The following BPNT1 variants were observed in gnomAD, a reference collection of about 807,000 sequenced individuals.
BPNT1 encodes 3'(2'),5'-bisphosphate nucleotidase 1.
BPNT1 carries 28 observed loss-of-function variants against 36.9 expected under a neutral mutation model. The ratio of observed to expected loss-of-function variants is 0.76; its 90% CI spans 0.56 to 1.04. The LOEUF (loss-of-function observed/expected upper bound fraction) is 1.04. BPNT1 is among the 50% of genes least tolerant of loss of function. BPNT1 has a pLI of 0.00. For missense variants in BPNT1, 313 were observed against 372.9 expected, an observed-to-expected ratio of 0.84 and a Z score of 1.32; for synonymous variants, 119 against 130.9, an observed-to-expected ratio of 0.91 and a Z score of 0.62.
chr1:220,085,073 TAAA>T (rs558004798), intron 1 of BPNT1, among the ~76,000 whole-genome samples: 2 of 141,130 alleles, frequency 1.4e-5, no homozygotes, highest in Admixed American at 7.1e-5. Context: ...GGTTCTTGGT[TAAA>T]AAAAAAAAAA....
At chr1:220,083,439 C>A (rs1282304624) in intron 1 of BPNT1, among the ~76,000 whole-genome samples, 1 of 151,632 alleles carries the variant, frequency 6.6e-6, no homozygotes, top group African/African-American at 2.4e-5. Context: ...TTCAGCCTCC[C>A]GAGTAGCTGG....
chr1:220,073,074 C>G (rs1279710393), intron 3 of BPNT1, 117 bp from the exon 4 acceptor site: 21 of 901,888 alleles, frequency 2.3e-5, no homozygotes, highest in Middle Eastern at 4.5e-4. Flanking sequence ...TCTGGTTTAC[C>G]ATTTATATTT....
rs1664308480 is a variant in BPNT1, at chr1:220,073,892, T to C, written c.225+75A>G. ...TGCTTAAAATCATAATAGTGGTATATAAATCATTAAAGTGTCAGTTATAAA... is the reference window on the plus strand; with the variant it reads ...TGCTTAAAATCATAATAGTGGTATACAAATCATTAAAGTGTCAGTTATAAA... On this transcript the variant is annotated intron_variant, in intron 3 of 8. Coordinates refer to ENST00000322067, the MANE Select transcript of BPNT1 (RefSeq NM_006085.6). 12 of 1,232,868 alleles carry C rather than the reference T, an allele frequency of 9.7e-6. No individual in the cohort carries two copies. In the South Asian group the frequency reaches 1.5e-4, roughly 15 times the overall value. 76.4% of individuals were successfully genotyped at this position (1,232,868 alleles called of 1,614,324 possible). A position where few individuals can be genotyped will look rare whatever the true frequency, so the allele number is the denominator to read the frequency against.
chr1:220,062,193 G>A (rs939196281), intron 7 of BPNT1, among the ~76,000 whole-genome samples: 3 of 151,010 alleles, frequency 2.0e-5, no homozygotes, highest in African/African-American at 7.3e-5. Flanking sequence ...TGCACAATGT[G>A]CAGGTTAGTT....
chr1:220,083,236 CA>C (rs539820488), intron 1 of BPNT1, among the ~76,000 whole-genome samples: 181 of 112,334 alleles, frequency 1.6e-3, no homozygotes, highest in South Asian at 1.2e-3. Flanking sequence ...GACTCCATCT[CA>C]AAAAAAAAAA....
chr1:220,089,317 T>C (rs867826998), intron 1 of BPNT1, among the ~76,000 whole-genome samples: 1 of 152,182 alleles, frequency 6.6e-6, no homozygotes, highest in African/African-American at 2.4e-5. Flanking sequence ...CCAACAATTA[T>C]ATTTACAGAG....
chr1:220,087,852 A>T (rs1350983723), intron 1 of BPNT1, among the ~76,000 whole-genome samples: 1 of 152,012 alleles, frequency 6.6e-6, no homozygotes, highest in African/African-American at 2.4e-5. Flanking sequence ...ATGAGAAATG[A>T]TTATTTTATT....
At chr1:220,066,072 C>A (rs1272900418) in intron 6 of BPNT1, 5 of 1,520,740 alleles carry the variant, frequency 3.3e-6, no homozygotes, top group Non-Finnish European at 4.4e-6. Flanking sequence ...ATTTTTCTCA[C>A]CTTTGCTTCA....
intron 5 of BPNT1, among the ~76,000 whole-genome samples, chr1:220,067,776 C>CA (rs1663672426): frequency 6.6e-6 from 1 of 152,188 alleles, no homozygotes; most frequent in South Asian, 2.1e-4. Flanking sequence ...GCCTTTAAAA[C>CA]AGAGTTTCTC....
chr1:220,079,260 T>C (rs12135677), intron 2 of BPNT1, among the ~76,000 whole-genome samples: 68,071 of 151,618 alleles, frequency 0.45, 16,224 homozygotes, highest in Non-Finnish European at 0.54. Context: ...CTTTTTTTTT[T>C]TTCTTTTTTT....
Position 220,059,588 on chromosome 1 carries a change from C to A in BPNT1, c.778+98G>T, listed in dbSNP as rs527450380. The A allele has an allele frequency of 4.3e-6, 4 of 924,624 alleles. No homozygotes were observed. In the African/African-American group the frequency reaches 6.8e-5, roughly 16 times the overall value. 57.3% of individuals were successfully genotyped at this position (924,624 alleles called of 1,614,324 possible). Reference sequence around the variant, plus strand: ...CTAAGCTGCCTTCTAGCTTTTATATCGTAACAGTCTAAGTAAAATAATATT... The same window carrying A: ...CTAAGCTGCCTTCTAGCTTTTATATAGTAACAGTCTAAGTAAAATAATATT... On this transcript the variant is annotated intron_variant, in intron 8 of 8. Transcript: ENST00000322067.
At chr1:220,064,560 A>T (rs1359351290) in intron 6 of BPNT1, among the ~76,000 whole-genome samples, 1 of 152,142 alleles carries the variant, frequency 6.6e-6, no homozygotes, top group Non-Finnish European at 1.5e-5. Context: ...AATTGGGATG[A>T]GATGTCAGGT....
chr1:220,074,822 A>T (rs974568986), intron 2 of BPNT1, among the ~76,000 whole-genome samples: 4 of 152,116 alleles, frequency 2.6e-5, no homozygotes, highest in Non-Finnish European at 5.9e-5. Flanking sequence ...AAAATCTAAA[A>T]AACACGAATA....
chr1:220,077,455 C>T (rs931343149), intron 2 of BPNT1, among the ~76,000 whole-genome samples: 1 of 151,444 alleles, frequency 6.6e-6, no homozygotes, highest in Non-Finnish European at 1.5e-5. Flanking sequence ...GGCTGGAGTA[C>T]AGTGGTGGGA....
chr1:220,060,498 C>CA (rs894795800), intron 7 of BPNT1, among the ~76,000 whole-genome samples: 9 of 150,118 alleles, frequency 6.0e-5, no homozygotes, highest in South Asian at 2.1e-4. Flanking sequence ...GCACTCCCCT[C>CA]AAAAAAAAAC....
chr1:220,061,535 A>G (rs77288153), intron 7 of BPNT1, among the ~76,000 whole-genome samples: 1 of 148,182 alleles, frequency 6.7e-6, no homozygotes, highest in African/African-American at 2.5e-5. Context: ...CTCCGTCTCA[A>G]AAAAAAAAAA....
rs956354398 is a variant in BPNT1 at position 220,078,829 on chromosome 1, C to A, written c.120+898G>T. 2.6e-4 allele frequency among the ~76,000 whole-genome samples: 40 copies of A among 151,952 alleles called. 1 individual carries two copies. On this transcript the variant is annotated intron_variant, in intron 2 of 8. Transcript: ENST00000322067. ...GTCAGACTGGTCTTGAACTCCTGAC[C>A]TCGTGATCTGCCCGCCTTGGCCTCC...
chr1:220,076,957 T>C (rs544097005), intron 2 of BPNT1, among the ~76,000 whole-genome samples: 1 of 152,318 alleles, frequency 6.6e-6, no homozygotes, highest in Non-Finnish European at 1.5e-5. Context: ...ATCAAATGCA[T>C]GAACTAGCCC....
At chr1:220,078,448 A>G (rs1664781309) in intron 2 of BPNT1, among the ~76,000 whole-genome samples, 1 of 138,242 alleles carries the variant, frequency 7.2e-6, no homozygotes, top group Non-Finnish European at 1.5e-5. Context: ...TAATAATTAT[A>G]CTTATATATA....
Sources: allele counts gnomAD v4.1 joint callset (sites outside exome capture counted in the v4.1 genomes callset), GRCh38; gene constraint gnomAD v4.1.1; transcripts MANE v1.5; gene names NCBI Gene and HGNC (gene_info 2026-07-23, HGNC 2026-07-21).